Variants in LRMDA observed in about 807,000 individuals in gnomAD.
LRMDA encodes the protein leucine-rich melanocyte differentiation-associated protein.
Under a neutral mutation model 29.8 loss-of-function variants are expected in LRMDA, and 18 were observed. The observed-to-expected ratio is 0.60, with a 90% CI of 0.42 to 0.90. The LOEUF (loss-of-function observed/expected upper bound fraction) is 0.90, where lower values mean the gene tolerates loss of function less well. LRMDA is among the 40% of genes least tolerant of loss of function. LRMDA has a pLI of 0.00. For synonymous variants in LRMDA, 125 were observed against 109.4 expected, an observed-to-expected ratio of 1.14 and a Z score of -0.89; for missense variants, 273 against 273.9, an observed-to-expected ratio of 1.00 and a Z score of 0.02.
At chr10:75,630,369 G>T (rs1564526432) in intron 2 of LRMDA, among the ~76,000 whole-genome samples, 1 of 152,206 alleles carries the variant, frequency 6.6e-6, no homozygotes, top group Non-Finnish European at 1.5e-5. Context: ...GTCTTCGCTG[G>T]TTTTTGCGGG....
intron 5 of LRMDA, among the ~76,000 whole-genome samples, chr10:76,165,319 C>T (rs764324898): frequency 3.2e-4 from 48 of 151,938 alleles, no homozygotes; most frequent in Non-Finnish European, 5.9e-4. Flanking sequence ...GTCACCCAGG[C>T]TGGAGTACAG....
At chr10:75,993,370 G>T (rs962020267) in intron 2 of LRMDA, among the ~76,000 whole-genome samples, 1 of 152,172 alleles carries the variant, frequency 6.6e-6, no homozygotes, top group African/African-American at 2.4e-5. Flanking sequence ...GGCAGGCATT[G>T]TTCTAAGTAA....
intron 5 of LRMDA, among the ~76,000 whole-genome samples, chr10:76,080,835 G>A (rs772305872): frequency 4.1e-4 from 62 of 152,122 alleles, no homozygotes; most frequent in Admixed American, 1.0e-3. Flanking sequence ...AATAGGCTGG[G>A]TACTCAAAAG....
chr10:76,055,936 G>T (rs957393722), intron 4 of LRMDA, among the ~76,000 whole-genome samples: 1 of 152,240 alleles, frequency 6.6e-6, no homozygotes, highest in African/African-American at 2.4e-5. Flanking sequence ...CACCCACCAT[G>T]TGGCGAGTGG....
At chr10:75,736,391 T>C (rs1842762461) in intron 2 of LRMDA, among the ~76,000 whole-genome samples, 1 of 152,172 alleles carries the variant, frequency 6.6e-6, no homozygotes, top group Non-Finnish European at 1.5e-5. Flanking sequence ...TTGTGCTTGA[T>C]GGGAACAATC....
chr10:76,411,683 G>T (rs767247132), intron 6 of LRMDA, among the ~76,000 whole-genome samples: 2 of 152,222 alleles, frequency 1.3e-5, no homozygotes, highest in African/African-American at 4.8e-5. Context: ...CTGCAGGAGT[G>T]GAAAATGGAG....
At chr10:75,819,267 T>C (rs1241220736) in intron 2 of LRMDA, among the ~76,000 whole-genome samples, 1 of 152,186 alleles carries the variant, frequency 6.6e-6, no homozygotes, top group Non-Finnish European at 1.5e-5. Flanking sequence ...CTAGTGCTGA[T>C]AAGTTTGTGA....
chr10:75,623,619 G>A (rs1177185604), intron 2 of LRMDA, among the ~76,000 whole-genome samples: 4 of 152,096 alleles, frequency 2.6e-5, no homozygotes, highest in Non-Finnish European at 4.4e-5. Context: ...TGGTGTTTTT[G>A]GTCTTTGTTG....
At chr10:75,801,117 G>C (rs1005867022) in intron 2 of LRMDA, among the ~76,000 whole-genome samples, 2 of 152,196 alleles carry the variant, frequency 1.3e-5, no homozygotes, top group Admixed American at 6.5e-5. Context: ...ACTTTTTAAT[G>C]ATGGACAGCT....
chr10:76,491,769 C>T (rs1316357079), intron 6 of LRMDA, among the ~76,000 whole-genome samples: 2 of 152,016 alleles, frequency 1.3e-5, no homozygotes. Flanking sequence ...ACTTTCTACT[C>T]TTGTCTCTTT....
At chr10:76,443,031 G>C (rs1219428919) in intron 6 of LRMDA, among the ~76,000 whole-genome samples, 1 of 152,154 alleles carries the variant, frequency 6.6e-6, no homozygotes, top group Non-Finnish European at 1.5e-5. Flanking sequence ...TGAGGAAACT[G>C]AGGCAAAAAC....
intron 6 of LRMDA, among the ~76,000 whole-genome samples, chr10:76,492,700 G>T (rs1056298337): frequency 3.3e-5 from 5 of 152,004 alleles, no homozygotes; most frequent in East Asian, 3.9e-4. Context: ...CTGCATGGCT[G>T]GGGAGGCCTC....
At chr10:76,101,429 C>A (rs1849392677) in intron 5 of LRMDA, among the ~76,000 whole-genome samples, 1 of 152,130 alleles carries the variant, frequency 6.6e-6, no homozygotes, top group South Asian at 2.1e-4. Flanking sequence ...CCCTTATTAT[C>A]CCCTTTTCCT....
chr10:76,210,995 ACTCACAGACAGT>A (rs1484131757), intron 5 of LRMDA, among the ~76,000 whole-genome samples: 1 of 152,182 alleles, frequency 6.6e-6, no homozygotes, highest in African/African-American at 2.4e-5. Context: ...TAACTCACCC[ACTCACAGACAGT>A]CTCCTGTGCT....
rs575721669 is a variant in LRMDA at position 76,293,975 on chromosome 10, G to A, written c.517-30426G>A. Among the ~76,000 whole-genome samples, 4 of 152,304 alleles carry A rather than the reference G, an allele frequency of 2.6e-5. No individual in the cohort carries two copies. The South Asian group carries it at 8.3e-4, about 32-fold the overall frequency. ...TCTTTAGCCACAGTGTGCACTTGGA[G>A]GTTGTTTTGGTGCTTGTTTTTAATA... is the stretch of plus-strand genomic sequence containing the variant. On this transcript the variant is annotated intron_variant, in intron 5 of 6. Transcript: ENST00000611255.
intron 6 of LRMDA, among the ~76,000 whole-genome samples, chr10:76,495,251 T>G (rs12219798): frequency 0.7 from 105,277 of 151,208 alleles, 38,045 homozygotes; most frequent in Non-Finnish European, 0.81. Context: ...CAGCTGCCCA[T>G]CATAATTTAT....
At chr10:75,726,479 G>A (rs1192107059) in intron 2 of LRMDA, among the ~76,000 whole-genome samples, 3 of 152,206 alleles carry the variant, frequency 2.0e-5, no homozygotes, top group African/African-American at 7.2e-5. Context: ...TAGCTAATCA[G>A]TGTGCCTGCT....
chr10:76,318,075 A>G (rs934427872), intron 5 of LRMDA, among the ~76,000 whole-genome samples: 3 of 152,226 alleles, frequency 2.0e-5, no homozygotes, highest in African/African-American at 7.2e-5. Flanking sequence ...TATAATGTCC[A>G]ATATTTAGAT....
rs1159873475 is a variant in LRMDA at position 75,460,493 on chromosome 10, A to G, written c.131+21999A>G. 2.0e-5 allele frequency among the ~76,000 whole-genome samples: 3 copies of G among 152,164 alleles called. No individual in the cohort carries two copies. The East Asian group carries it at 5.8e-4, about 29-fold the overall frequency. ...GGAAATTTGGGGCTCAGAAAGTGCAAATGGTGGCTTGGTGTGATGTAATAG... is the reference window on the plus strand; with the variant it reads ...GGAAATTTGGGGCTCAGAAAGTGCAGATGGTGGCTTGGTGTGATGTAATAG... On this transcript the variant is annotated intron_variant, in intron 2 of 6. Transcript: ENST00000611255.
Sources: allele counts gnomAD v4.1 joint callset (sites outside exome capture counted in the v4.1 genomes callset), GRCh38; gene constraint gnomAD v4.1.1; transcripts MANE v1.5; gene names NCBI Gene and HGNC (gene_info 2026-07-23, HGNC 2026-07-21).